The following SEL1L3 variants were observed in gnomAD, a reference collection of about 807,000 sequenced individuals.
The protein encoded by SEL1L3 is SEL1L family member 3, also known as protein sel-1 homolog 3.
A neutral mutation model predicts 142.8 loss-of-function variants in SEL1L3; 76 were observed. The ratio of observed to expected loss-of-function variants is 0.53; its 90% CI spans 0.44 to 0.64. The LOEUF is 0.64. Among genes scored for constraint, SEL1L3 ranks in the 30% least tolerant of loss-of-function variants. The pLI is 0.00. For synonymous variants in SEL1L3, 504 were observed against 519.6 expected (o/e 0.97, Z 0.41); for missense variants, 1,262 against 1,381.7 (o/e 0.91, Z 1.37).
chr4:25,813,618 C>T (rs949349150), intron 9 of SEL1L3, among the ~76,000 whole-genome samples: 2 of 152,118 alleles, frequency 1.3e-5, no homozygotes, highest in Admixed American at 6.5e-5. Context: ...AGAAAAAAGT[C>T]GTGGAGCTCT....
intron 11 of SEL1L3, among the ~76,000 whole-genome samples, chr4:25,795,197 C>A (rs908738035): frequency 6.6e-6 from 1 of 152,034 alleles, no homozygotes; most frequent in Non-Finnish European, 1.5e-5. Context: ...ACCTGTACCC[C>A]GGAACATAAA....
chr4:25,787,569 C>T (rs1711938623), intron 13 of SEL1L3, among the ~76,000 whole-genome samples: 1 of 152,242 alleles, frequency 6.6e-6, no homozygotes, highest in Non-Finnish European at 1.5e-5. Context: ...ATCCACCTGC[C>T]TTGGCCTCCC....
chr4:25,756,481 A>G (rs1577556992), intron 23 of SEL1L3: 2 of 984,238 alleles, frequency 2.0e-6, no homozygotes, highest in East Asian at 1.1e-4. Context: ...TCTTACGTGC[A>G]TTTTTTTTCA....
At chr4:25,720,648 A>G in the SEL1L3 span, 2 of 152,246 alleles carry the variant, frequency 1.3e-5, no homozygotes, top group Admixed American at 6.5e-5. Context: ...GGAGACAGTG[A>G]GAAATGTTGA....
chr4:25,757,456 CCAA>C (rs879201390), intron 23 of SEL1L3, 75 bp downstream of exon 23: 20,037 of 506,650 alleles, frequency 0.04, 68 homozygotes, highest in East Asian at 0.072. Context: ...TTCCAGTAGA[CCAA>C]AAAAAAAAAA....
At chr4:25,727,267 T>C in the SEL1L3 span, among the ~76,000 whole-genome samples, 1 of 152,140 alleles carries the variant, frequency 6.6e-6, no homozygotes, top group Non-Finnish European at 1.5e-5. Flanking sequence ...TTGGCCAGGA[T>C]GGTCTTGATC....
At chr4:25,835,439 C>T in intron 2 of SEL1L3, 116 bp from the exon 3 acceptor site, 3 of 1,114,396 alleles carry the variant, frequency 2.7e-6, no homozygotes, top group Admixed American at 2.2e-5. Context: ...GTGAGATACC[C>T]TAAAAATATT....
chr4:25,857,642 G>A (rs1717358704), intron 1 of SEL1L3, among the ~76,000 whole-genome samples: 1 of 152,180 alleles, frequency 6.6e-6, no homozygotes. Flanking sequence ...CTTGCCCAAG[G>A]TCAACCAGCT....
downstream of SEL1L3, among the ~76,000 whole-genome samples, chr4:25,744,872 C>A (rs142716299): frequency 1.1e-3 from 175 of 152,206 alleles, 1 homozygote; most frequent in Non-Finnish European, 2.2e-3. Flanking sequence ...GGAGAGAGGA[C>A]TTAGAAGGAA....
intron 3 of SEL1L3, among the ~76,000 whole-genome samples, chr4:25,834,926 A>G (rs1249249864): frequency 2.0e-5 from 3 of 152,208 alleles, no homozygotes; most frequent in Non-Finnish European, 4.4e-5. Context: ...GAGACCTTGC[A>G]GGGCCTCAGG....
At chr4:25,779,263 A>G in intron 15 of SEL1L3, 60 bp from the exon 16 acceptor site, 1 of 1,599,344 alleles carries the variant, frequency 6.3e-7, no homozygotes, top group Non-Finnish European at 8.5e-7. Flanking sequence ...CGCCAGAGAC[A>G]AGGTGATGAG....
At chr4:25,857,482 T>C (rs892501407) in intron 1 of SEL1L3, among the ~76,000 whole-genome samples, 3 of 152,194 alleles carry the variant, frequency 2.0e-5, no homozygotes, top group Non-Finnish European at 4.4e-5. Flanking sequence ...GTTAAACCTT[T>C]TTCTCTCTCT....
Position 25,782,288 on chromosome 4 carries a change from A to G in SEL1L3, c.2411T>C (p.Val804Ala). Reference protein sequence around the residue: ...GNPDASYNLGVLHLDGIFPGV... With the variant: ...GNPDASYNLGALHLDGIFPGV... ...AGGGAAGATGCCATCCAAATGCAGGACTCCAAGATTGTATGACGCATCTGG... is the reference window on the plus strand; with the variant it reads ...AGGGAAGATGCCATCCAAATGCAGGGCTCCAAGATTGTATGACGCATCTGG... Residue 804 changes from valine (V) to alanine (A), a missense_variant, in exon 15 of 24, where the codon GTC (valine) becomes GCC (alanine). Val to Ala is a moderately conservative substitution (Grantham distance 64). Transcript: ENST00000399878. 6.2e-7 allele frequency: 1 copy of G among 1,613,564 alleles called. No homozygotes were observed. The highest frequency in any genetic ancestry group is 8.5e-7 in the Non-Finnish European group (1 of 1,179,726).
Position 25,802,368 on chromosome 4 carries a change from G to A in SEL1L3, c.1871C>T (p.Pro624Leu), listed in dbSNP as rs1225549500. Residue 624 changes from proline to leucine, a missense_variant, in exon 11 of 24, where the codon CCC becomes CTC. By Grantham distance (98) the Pro-to-Leu change is moderately conservative. Coordinates refer to ENST00000399878, the MANE Select transcript of SEL1L3 (RefSeq NM_015187.5). Reference sequence around the variant, plus strand: ...GGCATACGACAGTTCCCAGTCCAGGGGGTAGTTGTCAATACCCTGGTAGTG... The same window carrying A: ...GGCATACGACAGTTCCCAGTCCAGGAGGTAGTTGTCAATACCCTGGTAGTG... ...YKHYQGIDNY[P>L]LDWELSYAYY... The A allele has an allele frequency of 7.4e-6, 12 of 1,613,722 alleles. No homozygotes were observed. Among genetic ancestry groups the A allele is most frequent in the Non-Finnish European group, 1.0e-5 (12 of 1,179,858 alleles).
At chr4:25,754,887 A>G (rs1237719319) in intron 23 of SEL1L3, among the ~76,000 whole-genome samples, 3 of 152,060 alleles carry the variant, frequency 2.0e-5, no homozygotes, top group Non-Finnish European at 2.9e-5. Flanking sequence ...AGGGCCCTAT[A>G]TTGATTTTTA....
chr4:25,818,313 T>C, intron 8 of SEL1L3, 35 bp from the exon 9 acceptor site: 1 of 1,560,942 alleles, frequency 6.4e-7, no homozygotes, highest in South Asian at 1.2e-5. Context: ...TATCACACCC[T>C]TTAGCAGAAG....
chr4:25,785,186 G>C (rs1711700499), intron 13 of SEL1L3, among the ~76,000 whole-genome samples: 1 of 152,174 alleles, frequency 6.6e-6, no homozygotes, highest in African/African-American at 2.4e-5. Context: ...AGAGGGTTTT[G>C]CAACAAACAC....
chr4:25,851,733 A>G (rs1489339419), intron 1 of SEL1L3, among the ~76,000 whole-genome samples: 1 of 151,958 alleles, frequency 6.6e-6, no homozygotes, highest in Non-Finnish European at 1.5e-5. Flanking sequence ...TTCTAAAAAT[A>G]CAAATATTAA....
downstream of SEL1L3, among the ~76,000 whole-genome samples, chr4:25,742,490 G>T (rs1717149415): frequency 6.6e-6 from 1 of 151,970 alleles, no homozygotes; most frequent in Admixed American, 6.6e-5. Flanking sequence ...TAGAGATGGG[G>T]TTTCACCACG....
Sources: allele counts gnomAD v4.1 joint callset (sites outside exome capture counted in the v4.1 genomes callset), GRCh38; gene constraint gnomAD v4.1.1; transcripts MANE v1.5; gene names NCBI Gene and HGNC (gene_info 2026-07-23, HGNC 2026-07-21).